Variants in EPB41L4A observed in about 807,000 individuals in gnomAD.
The protein encoded by EPB41L4A is erythrocyte membrane protein band 4.1 like 4A.
In EPB41L4A, 100 loss-of-function variants were observed where a neutral mutation model predicts 108.6. That is an observed-to-expected ratio of 0.92 (90% CI 0.78 to 1.09). The LOEUF (loss-of-function observed/expected upper bound fraction) is 1.09, where lower values mean the gene tolerates loss of function less well. Ranked by LOEUF, EPB41L4A falls within the 50% of genes least tolerant of loss-of-function variation. The pLI is 0.00. For missense variants in EPB41L4A, 1,030 were observed against 842.7 expected (o/e 1.22, Z -2.75); for synonymous variants, 319 against 289.0 (o/e 1.10, Z -1.05).
At chr5:112,143,916 G>T (rs1427925618) in intron 13 of EPB41L4A, 1 of 452,892 alleles carries the variant, frequency 2.2e-6, no homozygotes, top group South Asian at 1.6e-5. Flanking sequence ...AATGTGCTCA[G>T]TTGCCAAAGA....
chr5:112,243,893 T>C (rs1313196139), intron 9 of EPB41L4A, among the ~76,000 whole-genome samples: 2 of 152,206 alleles, frequency 1.3e-5, no homozygotes, highest in East Asian at 3.8e-4. Flanking sequence ...ATTCGAACTT[T>C]CTCCAAATTA....
At chr5:112,259,345 G>T in intron 8 of EPB41L4A, 53 bp from the exon 9 acceptor site, 2 of 1,444,678 alleles carry the variant, frequency 1.4e-6, no homozygotes, top group Non-Finnish European at 1.9e-6. Context: ...TAACCTTTCA[G>T]AAAATCAGGG....
intron 18 of EPB41L4A, among the ~76,000 whole-genome samples, chr5:112,172,683 G>T (rs1445385835): frequency 1.3e-5 from 2 of 152,108 alleles, no homozygotes; most frequent in African/African-American, 4.8e-5. Flanking sequence ...AAGCACTAAG[G>T]TGTTATTCCA....
chr5:112,185,608 C>T (rs1761389177), intron 17 of EPB41L4A, among the ~76,000 whole-genome samples: 1 of 152,092 alleles, frequency 6.6e-6, no homozygotes, highest in South Asian at 2.1e-4. Flanking sequence ...TTTTAATAGG[C>T]TATTATTTGA....
intron 1 of EPB41L4A, among the ~76,000 whole-genome samples, chr5:112,338,844 T>C (rs758485240): frequency 6.6e-6 from 1 of 152,196 alleles, no homozygotes; most frequent in Non-Finnish European, 1.5e-5. Flanking sequence ...AGAGACCTAA[T>C]GGCCCACAAA....
chr5:112,198,555 T>G (rs991798064), intron 15 of EPB41L4A, among the ~76,000 whole-genome samples: 23 of 152,336 alleles, frequency 1.5e-4, no homozygotes, highest in African/African-American at 5.5e-4. Flanking sequence ...AATATTCGCT[T>G]TGCTGTTTCT....
In EPB41L4A at chr5:112,154,452, C is replaced by T. The variant is rs960862885; in HGVS notation, n.994+3949G>A. On this transcript the variant is annotated intron_variant and non_coding_transcript_variant, in intron 12 of 13. Transcript: ENST00000507810. ...TTGATATTTAACATTCAATAATTTA[C>T]GCAATGATTTTAAACATTATCTTAA... Among the ~76,000 whole-genome samples, 78 of 152,290 alleles carry T rather than the reference C, an allele frequency of 5.1e-4. 1 individual carries two copies. The highest frequency in any genetic ancestry group is 6.8e-3 in the Middle Eastern group (2 of 294).
chr5:112,357,021 C>T lies in EPB41L4A; in HGVS notation c.100-49531G>A, dbSNP rs1580748863. On this transcript the variant is annotated intron_variant, in intron 1 of 22. Coordinates refer to ENST00000261486, the MANE Select transcript of EPB41L4A (RefSeq NM_022140.5). ...TTGACTAGGTAACCTATAAGATGGC[C>T]GGTGCTGAGTAGGGCCCAGAGCGAG... 4.6e-5 allele frequency among the ~76,000 whole-genome samples: 7 copies of T among 152,040 alleles called. No individual in the cohort carries two copies. In the South Asian group the frequency reaches 1.2e-3, roughly 27 times the overall value.
chr5:112,206,432 T>C (rs1003124190), intron 13 of EPB41L4A, among the ~76,000 whole-genome samples: 11 of 152,114 alleles, frequency 7.2e-5, no homozygotes, highest in African/African-American at 2.2e-4. Context: ...CTATAAAATT[T>C]TGTATCTGAC....
At chr5:112,322,600 C>T (rs1399306448) in intron 1 of EPB41L4A, among the ~76,000 whole-genome samples, 1 of 152,048 alleles carries the variant, frequency 6.6e-6, no homozygotes, top group Non-Finnish European at 1.5e-5. Flanking sequence ...CCTCAAAGGT[C>T]ACTGTGCCGG....
intron 1 of EPB41L4A, among the ~76,000 whole-genome samples, chr5:112,366,236 C>T (rs1197913480): frequency 2.0e-5 from 3 of 151,648 alleles, no homozygotes; most frequent in Admixed American, 6.6e-5. Flanking sequence ...CTTTTTTATT[C>T]CCAGTTTTAT....
intron 17 of EPB41L4A, among the ~76,000 whole-genome samples, chr5:112,191,780 A>G (rs745621905): frequency 2.0e-5 from 3 of 152,166 alleles, no homozygotes; most frequent in Non-Finnish European, 2.9e-5. Flanking sequence ...CGGAGTTCCA[A>G]TGGATACATC....
At chr5:112,260,829 G>C (rs1368757268) in intron 7 of EPB41L4A, among the ~76,000 whole-genome samples, 2 of 152,104 alleles carry the variant, frequency 1.3e-5, no homozygotes, top group African/African-American at 4.8e-5. Flanking sequence ...TATTCACAAA[G>C]AACATAAAGC....
rs115265227 is a variant in EPB41L4A, at chr5:112,357,843, G to A, written c.100-50353C>T. Among the ~76,000 whole-genome samples, 933 of 152,320 alleles carry A rather than the reference G, an allele frequency of 6.1e-3. 13 individuals carry two copies. The highest frequency in any genetic ancestry group is 0.022 in the African/African-American group (894 of 41,572). ...GTGGATGGACCACTGAGAATGAGCA[G>A]TATGTAAAAATTATTTTTGTCCCTT... On this transcript the variant is annotated intron_variant, in intron 1 of 22. Transcript: ENST00000261486.
intron 1 of EPB41L4A, among the ~76,000 whole-genome samples, chr5:112,321,388 C>G (rs956776159): frequency 1.3e-5 from 2 of 152,270 alleles, no homozygotes; most frequent in East Asian, 3.9e-4. Context: ...TTTCATAATC[C>G]GGTACTTATT....
chr5:112,256,015 G>C (rs983626258), intron 9 of EPB41L4A, among the ~76,000 whole-genome samples: 39 of 152,164 alleles, frequency 2.6e-4, no homozygotes, highest in African/African-American at 8.7e-4. Context: ...CCACATTCAG[G>C]AAACCCTGGT....
chr5:112,305,297 G>A (rs1245310579), intron 2 of EPB41L4A, among the ~76,000 whole-genome samples: 1 of 152,098 alleles, frequency 6.6e-6, no homozygotes, highest in Non-Finnish European at 1.5e-5. Context: ...GTGCACTGAT[G>A]ATGATGGTGG....
chr5:112,282,697 T>G (rs1024885971), intron 2 of EPB41L4A, among the ~76,000 whole-genome samples: 2 of 152,172 alleles, frequency 1.3e-5, no homozygotes, highest in Non-Finnish European at 2.9e-5. Context: ...TGGGATTTAA[T>G]TTCACGCCCT....
intron 15 of EPB41L4A, chr5:112,196,760 A>G (rs1761983970): frequency 6.6e-6 from 1 of 152,272 alleles, no homozygotes; most frequent in Admixed American, 6.5e-5. Flanking sequence ...AAAGCGGTGT[A>G]TTACACTACA....
Sources: allele counts gnomAD v4.1 joint callset (sites outside exome capture counted in the v4.1 genomes callset), GRCh38; gene constraint gnomAD v4.1.1; transcripts MANE v1.5; gene names NCBI Gene and HGNC (gene_info 2026-07-23, HGNC 2026-07-21).